Variants in SYNPO2 observed in about 807,000 individuals in gnomAD.
SYNPO2 encodes the protein synaptopodin 2.
A neutral mutation model predicts 85.0 loss-of-function variants in SYNPO2; 56 were observed. The observed-to-expected ratio is 0.66, with a 90% confidence interval of 0.53 to 0.82. The LOEUF (loss-of-function observed/expected upper bound fraction) is 0.82. SYNPO2 is among the 40% of genes least tolerant of loss of function. The pLI is 0.00. For synonymous variants in SYNPO2, 602 were observed against 591.1 expected, an observed-to-expected ratio of 1.02 and a Z score of -0.27; for missense variants, 1,575 against 1,534.2, an observed-to-expected ratio of 1.03 and a Z score of -0.44.
At chr4:118,924,137 G>A (rs1733636170) in intron 1 of SYNPO2, among the ~76,000 whole-genome samples, 1 of 152,124 alleles carries the variant, frequency 6.6e-6, no homozygotes, top group Non-Finnish European at 1.5e-5. Flanking sequence ...TGGGTGTATA[G>A]CATTCCCCAG....
Position 119,030,111 on chromosome 4 carries a change from G to A in SYNPO2, c.1336G>A (p.Asp446Asn). 1 of 1,614,138 alleles carries A rather than the reference G, an allele frequency of 6.2e-7. No individual in the cohort carries two copies. Among genetic ancestry groups the A allele is most frequent in the Non-Finnish European group, 8.5e-7 (1 of 1,180,044 alleles). The stretch of plus-strand genomic sequence containing the variant: ...TCTTGGTGCAAGCGAATCAGAGGTG[G>A]ATGAAGAGTTATTGTCTGACGTTGA... ...AFLGASESEV[D>N]EELLSDVDDN... The change falls in exon 4 of 5, where the codon GAT (aspartate) becomes AAT (asparagine). Residue 446 changes from aspartate to asparagine, a missense_variant. Asp to Asn is a conservative substitution (Grantham distance 23). Transcript: ENST00000307142.
In SYNPO2 at chr4:119,030,357, G is replaced by C. The variant is rs1183345530; in HGVS notation, c.1582G>C (p.Asp528His). 6.2e-7 allele frequency: 1 copy of C among 1,613,976 alleles called. No individual in the cohort carries two copies. Among genetic ancestry groups the C allele is most frequent in the African/African-American group, 1.3e-5 (1 of 74,882 alleles). The change falls in exon 4 of 5, where the codon GAT becomes CAT. Residue 528 changes from aspartate to histidine, a missense_variant. By Grantham distance (81) the Asp-to-His change is moderately conservative. This residue lies in a region of SYNPO2 where 1,508 missense variants were observed against 1,446.8 expected (regional missense o/e 1.04). Transcript: ENST00000307142. ...PSREQDAAQTDGLRTTTSYQR... is the reference protein window; with the variant it reads ...PSREQDAAQTHGLRTTTSYQR... ...CAGAGAACAAGATGCTGCCCAGACC[G>C]ATGGCCTGAGAACCACGACTTCTTA...
At chr4:118,968,721 T>C (rs929198617) in intron 1 of SYNPO2, among the ~76,000 whole-genome samples, 5 of 152,182 alleles carry the variant, frequency 3.3e-5, no homozygotes, top group African/African-American at 1.2e-4. Flanking sequence ...TTTAAGTATA[T>C]ACTGACTTGC....
chr4:118,928,448 A>G (rs952702245), intron 1 of SYNPO2, among the ~76,000 whole-genome samples: 5 of 152,034 alleles, frequency 3.3e-5, no homozygotes, highest in Non-Finnish European at 5.9e-5. Flanking sequence ...CTTCTATACT[A>G]AACTTTAAAA....
At chr4:119,036,172 G>A (rs769447725) in intron 4 of SYNPO2, 1 of 985,412 alleles carries the variant, frequency 1.0e-6, no homozygotes, top group Non-Finnish European at 1.2e-6. Flanking sequence ...CAGGGCATTT[G>A]AAGTCATGGT....
intron 1 of SYNPO2, among the ~76,000 whole-genome samples, chr4:118,893,227 C>T (rs948577240): frequency 1.6e-4 from 24 of 151,868 alleles, no homozygotes; most frequent in African/African-American, 5.3e-4. Context: ...ATTAAGTAGG[C>T]GATATTAAAA....
intron 1 of SYNPO2, among the ~76,000 whole-genome samples, chr4:118,963,001 T>A (rs192072370): frequency 6.6e-6 from 1 of 152,276 alleles, no homozygotes; most frequent in East Asian, 1.9e-4. Flanking sequence ...GTATATTTTG[T>A]CCCATAATAT....
chr4:118,981,549 A>G (rs1244087395), intron 1 of SYNPO2, among the ~76,000 whole-genome samples: 11 of 152,168 alleles, frequency 7.2e-5, no homozygotes. Flanking sequence ...GTTTTCCCTG[A>G]ATGCGTTGTC....
At chr4:118,977,766 G>A (rs2149161019) in intron 1 of SYNPO2, among the ~76,000 whole-genome samples, 1 of 152,340 alleles carries the variant, frequency 6.6e-6, no homozygotes, top group South Asian at 2.1e-4. Context: ...CATTATGTAG[G>A]CCTTCTTTGA....
intron 1 of SYNPO2, among the ~76,000 whole-genome samples, chr4:118,976,676 C>T (rs1457528821): frequency 6.6e-6 from 1 of 152,090 alleles, no homozygotes; most frequent in Non-Finnish European, 1.5e-5. Flanking sequence ...TCTCCAAGGC[C>T]CCACCAGAGC....
chr4:119,054,941 C>A (rs982437630), intron 4 of SYNPO2, among the ~76,000 whole-genome samples: 2 of 152,112 alleles, frequency 1.3e-5, no homozygotes, highest in African/African-American at 4.8e-5. Context: ...TCTCCCAGGG[C>A]CTCTGTAGAC....
intron 1 of SYNPO2, among the ~76,000 whole-genome samples, chr4:118,935,340 A>G (rs1046143742): frequency 1.1e-4 from 17 of 152,254 alleles, no homozygotes; most frequent in African/African-American, 3.9e-4. Flanking sequence ...TGCCAAAAAT[A>G]TGTTTTGGAA....
upstream of SYNPO2, among the ~76,000 whole-genome samples, chr4:118,887,182 T>A (rs1279586512): frequency 4.0e-5 from 6 of 151,368 alleles, no homozygotes; most frequent in Admixed American, 2.0e-4. Context: ...TGTGTGTGTG[T>A]GTGTGTGTGT....
At chr4:119,051,188 T>TTTTG (rs1561030297) in intron 4 of SYNPO2, among the ~76,000 whole-genome samples, 3 of 2,982 alleles carry the variant, frequency 1.0e-3, no homozygotes, top group Non-Finnish European at 2.1e-3. Context: ...GGGAAGCAAT[T>TTTTG]TTTTTTTTTT....
chr4:118,917,775 A>G (rs994684091), intron 1 of SYNPO2, among the ~76,000 whole-genome samples: 9 of 152,224 alleles, frequency 5.9e-5, no homozygotes, highest in African/African-American at 1.2e-4. Flanking sequence ...TGCTTTTGAA[A>G]AGAGATTTTT....
chr4:118,926,708 T>C (rs1345245427), intron 1 of SYNPO2, among the ~76,000 whole-genome samples: 1 of 152,154 alleles, frequency 6.6e-6, no homozygotes, highest in Non-Finnish European at 1.5e-5. Context: ...AGAGGCACCT[T>C]GTTAAATGGT....
At chr4:118,953,472 C>T (rs1734765371) in intron 1 of SYNPO2, among the ~76,000 whole-genome samples, 1 of 152,124 alleles carries the variant, frequency 6.6e-6, no homozygotes, top group African/African-American at 2.4e-5. Context: ...CATTACACAT[C>T]CATTGGCTAT....
chr4:118,912,471 G>A (rs1447432606), intron 1 of SYNPO2, among the ~76,000 whole-genome samples: 1 of 150,224 alleles, frequency 6.7e-6, no homozygotes, highest in African/African-American at 2.5e-5. Flanking sequence ...ATGAGCCATG[G>A]TGCCTGGCCA....
chr4:118,855,734 G>A (rs1460725395), intron 1 of SYNPO2, among the ~76,000 whole-genome samples: 1 of 152,152 alleles, frequency 6.6e-6, no homozygotes, highest in Non-Finnish European at 1.5e-5. Context: ...ACTGATTGAA[G>A]TAGGTGAAGA....
Sources: allele counts gnomAD v4.1 joint callset (sites outside exome capture counted in the v4.1 genomes callset), GRCh38; gene constraint gnomAD v4.1.1; regional missense constraint gnomAD v4.1.1; transcripts MANE v1.5; gene names NCBI Gene and HGNC (gene_info 2026-07-23, HGNC 2026-07-21).